The following ABCC8 variants were observed in gnomAD, a reference collection of about 807,000 sequenced individuals.
ABCC8 encodes the protein ATP-binding cassette sub-family C member 8.
Under a neutral mutation model 188.0 loss-of-function variants are expected in ABCC8, and 137 were observed. The ratio of observed to expected loss-of-function variants is 0.73; its 90% CI spans 0.63 to 0.84. ABCC8 has a LOEUF of 0.84. ABCC8 is among the 40% of genes least tolerant of loss of function. The pLI, the probability that ABCC8 is intolerant of heterozygous loss-of-function variation, is 0.00. For missense variants in ABCC8, 1,750 were observed against 2,072.7 expected (o/e 0.84, Z 3.02); for synonymous variants, 797 against 846.5 (o/e 0.94, Z 1.01).
intron 21 of ABCC8, among the ~76,000 whole-genome samples, chr11:17,411,494 T>C (rs1591757077): frequency 6.6e-6 from 1 of 152,172 alleles, no homozygotes; most frequent in East Asian, 1.9e-4. Flanking sequence ...GTGAAGTGTC[T>C]TTAGTAAAGG....
At chr11:17,400,358 G>A (rs1049580877) in intron 29 of ABCC8, among the ~76,000 whole-genome samples, 2 of 152,170 alleles carry the variant, frequency 1.3e-5, no homozygotes, top group South Asian at 2.1e-4. Flanking sequence ...AGTGTGAGGC[G>A]CTCAGCGTAT....
rs1955619346 is a variant in ABCC8, at chr11:17,427,143, T to C, written c.2128A>G (p.Met710Val). The C allele has an allele frequency of 1.9e-6, 3 of 1,613,046 alleles. No individual in the cohort carries two copies. The highest frequency in any genetic ancestry group is 2.5e-6 in the Non-Finnish European group (3 of 1,179,570). ...CCGCAGCCCACCTGCCCCACGATCATAGTCAGCTGGCCTGCAGGGAGGGAG... is the reference window on the plus strand; with the variant it reads ...CCGCAGCCCACCTGCCCCACGATCACAGTCAGCTGGCCTGCAGGGAGGGAG... ...TIRIPRGQLT[M>V]IVGQVGCGKS... Residue 710 changes from methionine (M) to valine (V), a missense_variant, in exon 16 of 39, where the codon ATG (methionine) becomes GTG (valine). Physicochemically the swap from Met to Val is conservative, Grantham distance 21. Transcript: ENST00000389817. The surrounding 1 kb of genome is among the most constrained non-coding windows in gnomAD (Gnocchi z 5.0).
intron 23 of ABCC8, 167 bp downstream of exon 23, chr11:17,408,225 C>T (rs887488057): frequency 7.7e-6 from 5 of 647,362 alleles, no homozygotes; most frequent in Non-Finnish European, 1.3e-5. Flanking sequence ...GCACCTGGCA[C>T]AGGTACTGTC....
At chr11:17,467,114 A>C (rs7105832) in intron 3 of ABCC8, among the ~76,000 whole-genome samples, 46,716 of 149,478 alleles carry the variant, frequency 0.31, 7,514 homozygotes, top group Middle Eastern at 0.44. Context: ...GGATAAAGGC[A>C]AACATCTGTG....
At position 17,427,596 on chromosome 11, in the gene ABCC8, C is replaced by T. The variant is rs1311186256; in HGVS notation, c.2116+271G>A. Reference sequence around the variant, plus strand: ...CTTCCACTTGCGTTCCTTGGCTACCCACTTCTGATCTTTTTGTGCATTACC... The same window carrying T: ...CTTCCACTTGCGTTCCTTGGCTACCTACTTCTGATCTTTTTGTGCATTACC... On this transcript the variant is annotated intron_variant, in intron 15 of 38. Coordinates refer to ENST00000389817, the MANE Select transcript of ABCC8 (RefSeq NM_000352.6). This position sits in a 1 kb window ranked among gnomAD's most constrained non-coding sequence, Gnocchi z 5.0. 6.6e-6 allele frequency among the ~76,000 whole-genome samples: 1 copy of T among 152,166 alleles called. No individual in the cohort carries two copies. The highest frequency in any genetic ancestry group is 6.5e-5 in the Admixed American group (1 of 15,274).
intron 10 of ABCC8, among the ~76,000 whole-genome samples, chr11:17,434,212 G>A (rs775221714): frequency 1.3e-5 from 2 of 152,174 alleles, no homozygotes; most frequent in African/African-American, 2.4e-5. Context: ...AACCAATAAG[G>A]AGGGGTCCTG....
At chr11:17,455,574 A>T (rs1956962375) in intron 6 of ABCC8, among the ~76,000 whole-genome samples, 2 of 152,164 alleles carry the variant, frequency 1.3e-5, no homozygotes, top group Non-Finnish European at 2.9e-5. Flanking sequence ...TCATTGGGTC[A>T]TTATTAGACC....
At chr11:17,456,361 T>TGA (rs35248852) in intron 6 of ABCC8, among the ~76,000 whole-genome samples, 12,587 of 152,100 alleles carry the variant, frequency 0.083, 1,743 homozygotes, top group African/African-American at 0.29. Flanking sequence ...GGAGAATAAA[T>TGA]GAGTTAGCTG....
Position 17,406,692 on chromosome 11 carries a change from A to G in ABCC8, c.3259T>C (p.Trp1087Arg), listed in dbSNP as rs1954542409. The change falls in exon 26 of 39, where the codon TGG (tryptophan) becomes CGG (arginine). Residue 1087 changes from tryptophan to arginine, a missense_variant. By Grantham distance (101) the Trp-to-Arg change is moderately radical. Coordinates refer to ENST00000389817, the MANE Select transcript of ABCC8 (RefSeq NM_000352.6). ...LCLVTSVTVEWTGLKVAKRLH... is the reference protein window; with the variant it reads ...LCLVTSVTVERTGLKVAKRLH... ...CTCTTGGCCACCTTCAGCCCTGTCC[A>G]CTCCACAGTGACAGACGTGACGAGG... 3 of 1,614,034 alleles carry G rather than the reference A, an allele frequency of 1.9e-6. No homozygotes were observed. The highest frequency in any genetic ancestry group is 1.7e-6 in the Non-Finnish European group (2 of 1,180,012).
At position 17,476,669 on chromosome 11, in the gene ABCC8, G is replaced by T. The variant is rs757935183; in HGVS notation, c.108C>A (p.His36Gln). The change falls in exon 1 of 39, where the codon CAC (histidine) becomes CAA (glutamine). Residue 36 changes from histidine (H) to glutamine (Q), a missense_variant. Coordinates refer to ENST00000389817, the MANE Select transcript of ABCC8 (RefSeq NM_000352.6). ...GGAAGGTGATGAAGAGTAGGAAGAC[G>T]TGCGGCACCACGTTGAGCGCGTCCA... ...CFVDALNVVPHVFLLFITFPI... is the reference protein window; with the variant it reads ...CFVDALNVVPQVFLLFITFPI... 6.2e-7 allele frequency: 1 copy of T among 1,612,372 alleles called. No individual in the cohort carries two copies. The highest frequency in any genetic ancestry group is 2.2e-5 in the East Asian group (1 of 44,824).
In ABCC8 at chr11:17,476,674, G is replaced by A. The variant is rs1183465672; in HGVS notation, c.103C>T (p.Pro35Ser). ...GTGATGAAGAGTAGGAAGACGTGCG[G>A]CACCACGTTGAGCGCGTCCACAAAG... is the stretch of plus-strand genomic sequence containing the variant. The part of the protein sequence containing the change: ...GCFVDALNVV[P>S]HVFLLFITFP... The change falls in exon 1 of 39, where the codon CCG becomes TCG. Residue 35 changes from proline (P) to serine (S), a missense_variant. Physicochemically the swap from Pro to Ser is moderately conservative, Grantham distance 74 (BLOSUM62 -1). Coordinates refer to ENST00000389817, the MANE Select transcript of ABCC8 (RefSeq NM_000352.6). 2 of 1,612,120 alleles carry A rather than the reference G, an allele frequency of 1.2e-6. No individual in the cohort carries two copies. The highest frequency in any genetic ancestry group is 2.2e-5 in the East Asian group (1 of 44,840).
intron 8 of ABCC8, among the ~76,000 whole-genome samples, chr11:17,447,367 C>T (rs945818978): frequency 1.3e-5 from 2 of 152,130 alleles, no homozygotes; most frequent in Non-Finnish European, 2.9e-5. Flanking sequence ...GGTAATGTAC[C>T]TCTTCCTGAG....
At chr11:17,449,933 A>G (rs1956695358) in intron 7 of ABCC8, among the ~76,000 whole-genome samples, 1 of 152,182 alleles carries the variant, frequency 6.6e-6, no homozygotes, top group Non-Finnish European at 1.5e-5. Context: ...AAAGAAATCT[A>G]TATACCTCCT....
intron 4 of ABCC8, among the ~76,000 whole-genome samples, chr11:17,463,215 C>T (rs1847932596): frequency 6.6e-6 from 1 of 152,214 alleles, no homozygotes; most frequent in Admixed American, 6.5e-5. Flanking sequence ...ACACCCATCA[C>T]CCCCCTCTCC....
At chr11:17,447,485 G>A (rs2133612941) in intron 8 of ABCC8, among the ~76,000 whole-genome samples, 1 of 152,270 alleles carries the variant, frequency 6.6e-6, no homozygotes, top group Non-Finnish European at 1.5e-5. Flanking sequence ...AAGTGCAGGG[G>A]CGTGATCATT....
Position 17,396,634 on chromosome 11 carries a change from G to A in ABCC8, c.4119+282C>T. The A allele has an allele frequency of 8.3e-6, 4 of 479,380 alleles. 1 individual carries two copies. The South Asian group carries it at 8.5e-5, about 10-fold the overall frequency. 29.7% of individuals were successfully genotyped at this position (479,380 alleles called of 1,614,324 possible). On this transcript the variant is annotated intron_variant, in intron 33 of 38. Coordinates refer to ENST00000389817, the MANE Select transcript of ABCC8 (RefSeq NM_000352.6). ...AAGCCCCTGACCATTCGCAGAGAGG[G>A]AGGCCCTGACAAAGCCCGTGTGAGC...
At position 17,393,060 on chromosome 11, in the gene ABCC8, G is replaced by C; in HGVS notation, c.4677C>G (p.Phe1559Leu). 1.9e-6 allele frequency: 3 copies of C among 1,614,088 alleles called. No individual in the cohort carries two copies. The highest frequency in any genetic ancestry group is 2.5e-6 in the Non-Finnish European group (3 of 1,180,028). The change falls in exon 39 of 39, where the codon TTC becomes TTG. Residue 1559 changes from phenylalanine (F) to leucine (L), a missense_variant. Phe to Leu is a conservative substitution (Grantham distance 22). Transcript: ENST00000389817. ...IVLKRGAILE[F>L]DKPEKLLSRK... is the part of the protein sequence containing the mutation. ...GGCTGAGCAGCTTCTCTGGCTTATCGAACTCAAGGATGGCACCCCGCTTCA... is the reference window on the plus strand; with the variant it reads ...GGCTGAGCAGCTTCTCTGGCTTATCCAACTCAAGGATGGCACCCCGCTTCA...
chr11:17,410,374 G>T, intron 22 of ABCC8, 142 bp downstream of exon 22: 1 of 933,096 alleles, frequency 1.1e-6, no homozygotes, highest in Non-Finnish European at 1.7e-6. Context: ...TGCCCAGCAT[G>T]CATAAAGCCA....
At position 17,426,898 on chromosome 11, in the gene ABCC8, T is replaced by C. The variant is rs569187863; in HGVS notation, c.2222+151A>G. On this transcript the variant is annotated intron_variant, in intron 16 of 38. Coordinates refer to ENST00000389817, the MANE Select transcript of ABCC8 (RefSeq NM_000352.6). Reference sequence around the variant, plus strand: ...ATAGTAAGAGGTGAATACGTACTAGTGATGATGATGAGAATATCCATTAGC... The same window carrying C: ...ATAGTAAGAGGTGAATACGTACTAGCGATGATGATGAGAATATCCATTAGC... The C allele has an allele frequency of 1.8e-4, 150 of 833,264 alleles. 1 individual carries two copies. In the South Asian group the frequency reaches 2.9e-3, roughly 16 times the overall value. The allele number at this position is 833,264 out of a possible 1,614,324, so 51.6% of individuals were successfully genotyped here. A position where few individuals can be genotyped will look rare whatever the true frequency, so the allele number is the denominator to read the frequency against.
Sources: gnomAD v4.1 joint callset for allele counts (sites outside exome capture counted in the v4.1 genomes callset) on GRCh38, gnomAD v4.1.1 for gene constraint, Gnocchi (gnomAD v3.1) non-coding constraint, MANE v1.5 for transcripts, NCBI Gene and HGNC (gene_info 2026-07-23, HGNC 2026-07-21) for gene names.